PCDH15: variants seen among roughly 807,000 people sequenced by gnomAD.
PCDH15 encodes the protein protocadherin-15.
PCDH15 carries 129 observed loss-of-function variants against 178.5 expected under a neutral mutation model. The observed-to-expected ratio is 0.72, with a 90% confidence interval of 0.63 to 0.84. PCDH15 has a LOEUF of 0.84. Ranked by LOEUF, PCDH15 falls within the 40% of genes least tolerant of loss-of-function variation. The pLI, the probability that PCDH15 is intolerant of heterozygous loss-of-function variation, is 0.00. For synonymous variants in PCDH15, 800 were observed against 732.0 expected (o/e 1.09, Z -1.50); for missense variants, 2,230 against 2,099.9 (o/e 1.06, Z -1.21).
intron 17 of PCDH15, among the ~76,000 whole-genome samples, chr10:54,075,317 C>A (rs1373288265): frequency 6.6e-6 from 1 of 151,960 alleles, no homozygotes; most frequent in Admixed American, 6.6e-5. Flanking sequence ...GCGGAGTTTG[C>A]AGTGAGCCGA....
chr10:55,314,097 TTC>T (rs1843660948), intron 1 of PCDH15, among the ~76,000 whole-genome samples: 1 of 151,272 alleles, frequency 6.6e-6, no homozygotes, highest in African/African-American at 2.4e-5. Flanking sequence ...CCCAGATATA[TTC>T]TGTCTTGAAA....
At chr10:54,875,566 A>G (rs770134846) in intron 3 of PCDH15, among the ~76,000 whole-genome samples, 6 of 152,220 alleles carry the variant, frequency 3.9e-5, no homozygotes, top group Admixed American at 6.5e-5. Flanking sequence ...AAGGAAATTC[A>G]AAGTGTTACT....
chr10:54,292,433 A>G (rs149930908), intron 8 of PCDH15, among the ~76,000 whole-genome samples: 34 of 152,310 alleles, frequency 2.2e-4, no homozygotes, highest in African/African-American at 7.9e-4. Context: ...GTCCTCTCTC[A>G]CCACTCCTTT....
chr10:54,641,478 G>C (rs2093986327), intron 2 of PCDH15, among the ~76,000 whole-genome samples: 1 of 151,924 alleles, frequency 6.6e-6, no homozygotes, highest in Non-Finnish European at 1.5e-5. Flanking sequence ...GTTTATATTA[G>C]TGAATGGCCC....
intron 1 of PCDH15, among the ~76,000 whole-genome samples, chr10:55,293,471 T>C (rs1843061570): frequency 6.6e-6 from 1 of 152,218 alleles, no homozygotes; most frequent in Non-Finnish European, 1.5e-5. Context: ...GAAAATGGGA[T>C]ATTCTTTTCT....
intron 1 of PCDH15, among the ~76,000 whole-genome samples, chr10:55,253,990 C>T (rs1350759374): frequency 1.3e-5 from 2 of 152,144 alleles, no homozygotes; most frequent in Non-Finnish European, 2.9e-5. Context: ...TTTTATATGT[C>T]TCTATCCTTT....
chr10:55,170,743 G>T (rs543913646), intron 1 of PCDH15, among the ~76,000 whole-genome samples: 3 of 152,028 alleles, frequency 2.0e-5, no homozygotes, highest in Admixed American at 6.6e-5. Flanking sequence ...TTAGCTGGGC[G>T]TGGTGGCATG....
chr10:53,919,046 A>C (rs1302548529), intron 25 of PCDH15, among the ~76,000 whole-genome samples: 2 of 152,298 alleles, frequency 1.3e-5, no homozygotes, highest in African/African-American at 2.4e-5. Flanking sequence ...CTGTTGCATC[A>C]GTCTGACACT....
chr10:54,669,463 T>C (rs1318961833), intron 1 of PCDH15, among the ~76,000 whole-genome samples: 1 of 151,302 alleles, frequency 6.6e-6, no homozygotes, highest in Non-Finnish European at 1.5e-5. Flanking sequence ...ACATATACAA[T>C]TTATATAAAG....
chr10:55,546,700 T>A (rs559110710), intron 2 of PCDH15, among the ~76,000 whole-genome samples: 5 of 152,114 alleles, frequency 3.3e-5, no homozygotes, highest in Non-Finnish European at 7.4e-5. Flanking sequence ...GGAGACATAG[T>A]TTTATCTGCT....
chr10:53,989,765 C>A (rs1485480828), intron 21 of PCDH15, among the ~76,000 whole-genome samples: 2 of 152,096 alleles, frequency 1.3e-5, no homozygotes, highest in Non-Finnish European at 2.9e-5. Flanking sequence ...TCTTAAAAAT[C>A]AGAGTCTCTG....
chr10:54,350,302 G>A (rs562032352), intron 5 of PCDH15, among the ~76,000 whole-genome samples: 1 of 152,232 alleles, frequency 6.6e-6, no homozygotes, highest in Admixed American at 6.5e-5. Context: ...GCAGGCTCAG[G>A]AATTGTCCCA....
intron 1 of PCDH15, among the ~76,000 whole-genome samples, chr10:54,667,239 A>G (rs1482685707): frequency 6.6e-6 from 1 of 152,056 alleles, no homozygotes; most frequent in East Asian, 1.9e-4. Flanking sequence ...CATCACTTCA[A>G]TGGGCTCAAT....
chr10:55,074,737 A>G (rs1264453025), intron 2 of PCDH15, among the ~76,000 whole-genome samples: 1 of 151,992 alleles, frequency 6.6e-6, no homozygotes, highest in Non-Finnish European at 1.5e-5. Flanking sequence ...ACATTTGTCT[A>G]TTTTGGCCTT....
At chr10:55,606,178 C>T (rs1448101031) in intron 2 of PCDH15, among the ~76,000 whole-genome samples, 1 of 63,914 alleles carries the variant, frequency 1.6e-5, no homozygotes, top group Non-Finnish European at 2.9e-5. Flanking sequence ...ACCTAGGAAT[C>T]CAACTTACAA....
intron 3 of PCDH15, among the ~76,000 whole-genome samples, chr10:54,856,889 G>A (rs1427878496): frequency 1.3e-5 from 2 of 152,046 alleles, no homozygotes; most frequent in Non-Finnish European, 2.9e-5. Context: ...GAACTGTTGT[G>A]GCAGATCCTG....
chr10:54,447,520 A>G (rs2076218409), intron 3 of PCDH15, among the ~76,000 whole-genome samples: 3 of 151,674 alleles, frequency 2.0e-5, no homozygotes, highest in South Asian at 4.1e-4. Flanking sequence ...TTCACTTGAC[A>G]TAAAGTCTCC....
intron 8 of PCDH15, among the ~76,000 whole-genome samples, chr10:54,272,918 C>G (rs1223947163): frequency 6.6e-6 from 1 of 151,982 alleles, no homozygotes; most frequent in Non-Finnish European, 1.5e-5. Context: ...AAAAAATGAA[C>G]AAATCGTAAC....
At chr10:54,218,085 A>G (rs2052314521) in intron 9 of PCDH15, among the ~76,000 whole-genome samples, 1 of 152,212 alleles carries the variant, frequency 6.6e-6, no homozygotes, top group South Asian at 2.1e-4. Context: ...TATTTTGTAA[A>G]TTAGAAAATA....
Sources: gnomAD v4.1 joint callset for allele counts (sites outside exome capture counted in the v4.1 genomes callset) on GRCh38, gnomAD v4.1.1 for gene constraint, MANE v1.5 for transcripts, NCBI Gene and HGNC (gene_info 2026-07-23, HGNC 2026-07-21) for gene names.